SEPTIN9: variants seen among roughly 807,000 people sequenced by gnomAD.
SEPTIN9 encodes septin-9.
In SEPTIN9, 13 loss-of-function variants were observed where a neutral mutation model predicts 56.6. The ratio of observed to expected loss-of-function variants is 0.23; its 90% CI spans 0.15 to 0.37. SEPTIN9 has a LOEUF of 0.37. Ranked by LOEUF, SEPTIN9 falls within the 10% of genes least tolerant of loss-of-function variation. The probability of loss-of-function intolerance (pLI) is 1.00; values close to 1 mark genes in which losing one functional copy is unlikely to be tolerated. For missense variants in SEPTIN9, 650 were observed against 823.1 expected, an observed-to-expected ratio of 0.79 and a Z score of 2.57; for synonymous variants, 332 against 334.1, an observed-to-expected ratio of 0.99 and a Z score of 0.07.
intron 1 of SEPTIN9, among the ~76,000 whole-genome samples, chr17:77,306,817 C>T (rs1038445614): frequency 6.6e-6 from 1 of 152,250 alleles, no homozygotes; most frequent in African/African-American, 2.4e-5. Context: ...GTGCAACTCT[C>T]ATTCACTGTG....
At position 77,475,120 on chromosome 17, in the gene SEPTIN9, C is replaced by G. The variant is rs759824167; in HGVS notation, c.722-7024C>G. On this transcript the variant is annotated intron_variant, in intron 3 of 11. Transcript: ENST00000427177. This position sits in a 1 kb window ranked among gnomAD's most constrained non-coding sequence, Gnocchi z 4.6. ...TCACCAGACTTTTTGCCGGGGCTTG[C>G]CGTGAGCCCTACGCTGCTCTGAAGA... 7.8e-6 allele frequency: 5 copies of G among 640,124 alleles called. No homozygotes were observed. The highest frequency in any genetic ancestry group is 1.0e-5 in the Non-Finnish European group (5 of 488,980). The allele number at this position is 640,124 out of a possible 1,614,324, so 39.7% of individuals were successfully genotyped here.
chr17:77,360,551 G>T lies in SEPTIN9; in HGVS notation c.77-41508G>T, dbSNP rs201192413. 9.0e-3 allele frequency among the ~76,000 whole-genome samples: 1,354 copies of T among 149,968 alleles called. 11 individuals carry two copies. Among genetic ancestry groups the T allele is most frequent in the East Asian group, 0.042 (215 of 5,120 alleles). On this transcript the variant is annotated intron_variant, in intron 2 of 11. Transcript: ENST00000427177. Reference sequence around the variant, plus strand: ...TACTAGGGTAGGTTGTTTTTTTTTTGTTGTTTTTGTTTTTTGTTTCTTTTT... The same window carrying T: ...TACTAGGGTAGGTTGTTTTTTTTTTTTTGTTTTTGTTTTTTGTTTCTTTTT...
Position 77,474,889 on chromosome 17 carries a change from C to T in SEPTIN9, c.722-7255C>T, listed in dbSNP as rs76945292. ...AGCGTTTAGAGTAACACCTGGGGCT[C>T]GGTGCAGTGGCTTATGTCTATAATC... On this transcript the variant is annotated intron_variant, in intron 3 of 11. Coordinates refer to ENST00000427177, the MANE Select transcript of SEPTIN9 (RefSeq NM_001113491.2). Among the ~76,000 whole-genome samples, 665 of 152,112 alleles carry T rather than the reference C, an allele frequency of 4.4e-3. 4 individuals are homozygous for T. The highest frequency in any genetic ancestry group is 0.015 in the African/African-American group (641 of 41,482).
chr17:77,482,721 G>C, intron 4 of SEPTIN9: 1 of 589,168 alleles, frequency 1.7e-6, no homozygotes, highest in Non-Finnish European at 3.0e-6. Context: ...GCACCCCACC[G>C]CACCCCGGCC....
intron 3 of SEPTIN9, among the ~76,000 whole-genome samples, chr17:77,423,462 C>T (rs1210449785): frequency 6.6e-6 from 1 of 152,234 alleles, no homozygotes; most frequent in Non-Finnish European, 1.5e-5. Context: ...GGCCTGGAGG[C>T]AGCGTTTCTG....
At chr17:77,294,097 A>G (rs1194550128) in intron 1 of SEPTIN9, among the ~76,000 whole-genome samples, 7 of 119,918 alleles carry the variant, frequency 5.8e-5, no homozygotes, top group Admixed American at 2.8e-4. Flanking sequence ...GAGTGAGACC[A>G]TGTCTCAAAA....
At chr17:77,365,071 C>A (rs538535155) in intron 2 of SEPTIN9, among the ~76,000 whole-genome samples, 8 of 152,348 alleles carry the variant, frequency 5.3e-5, no homozygotes, top group African/African-American at 1.9e-4. Context: ...TCGGTCTCCA[C>A]TGTGGATGTT....
rs762665453 is a variant in SEPTIN9, at chr17:77,421,166, C to T, written c.721+18463C>T. 2.0e-5 allele frequency among the ~76,000 whole-genome samples: 3 copies of T among 152,162 alleles called. No homozygotes were observed. Among genetic ancestry groups the T allele is most frequent in the Non-Finnish European group, 1.5e-5 (1 of 68,036 alleles). ...AGACTTTGGCTGGATGCCAGGAGCC[C>T]GAGACCTTCCAGCTCTTTCCTGTGT... On this transcript the variant is annotated intron_variant, in intron 3 of 11. Coordinates refer to ENST00000427177, the MANE Select transcript of SEPTIN9 (RefSeq NM_001113491.2). The surrounding 1 kb of genome is among the most constrained non-coding windows in gnomAD (Gnocchi z 4.6).
chr17:77,309,822 C>T (rs1013059546), intron 2 of SEPTIN9, among the ~76,000 whole-genome samples: 1 of 152,204 alleles, frequency 6.6e-6, no homozygotes, highest in Non-Finnish European at 1.5e-5. Flanking sequence ...CTCACCATCC[C>T]GCTTAAGAAG....
At chr17:77,332,012 A>AGGT (rs2033383439) in intron 2 of SEPTIN9, among the ~76,000 whole-genome samples, 4 of 152,198 alleles carry the variant, frequency 2.6e-5, no homozygotes, top group Non-Finnish European at 4.4e-5. Context: ...GTGGTGGCTC[A>AGGT]TGACTGTAAT....
intron 1 of SEPTIN9, among the ~76,000 whole-genome samples, chr17:77,290,116 G>A (rs368878493): frequency 6.0e-4 from 91 of 152,210 alleles, no homozygotes; most frequent in Non-Finnish European, 7.2e-4. Context: ...TGGTGTGGAC[G>A]CTCCTCCTTG....
Position 77,327,258 on chromosome 17 carries a change from C to T in SEPTIN9, c.76+20061C>T, listed in dbSNP as rs904240556. ...GCCCTCAGGTTAGTTTATTTTTACC[C>T]GGCCTGCTCCCACCAGGGGCTGAGG... On this transcript the variant is annotated intron_variant, in intron 2 of 11. Transcript: ENST00000427177. This position sits in a 1 kb window ranked among gnomAD's most constrained non-coding sequence, Gnocchi z 5.0. Among the ~76,000 whole-genome samples, 3 of 152,132 alleles carry T rather than the reference C, an allele frequency of 2.0e-5. No homozygotes were observed. The highest frequency in any genetic ancestry group is 4.2e-4 in the South Asian group (2 of 4,818).
intron 2 of SEPTIN9, among the ~76,000 whole-genome samples, chr17:77,380,561 C>T (rs1445013348): frequency 6.6e-6 from 1 of 152,116 alleles, no homozygotes; most frequent in African/African-American, 2.4e-5. Context: ...CACATGGCAT[C>T]GAATTTCCTG....
At chr17:77,416,316 C>T (rs1367938965) in intron 3 of SEPTIN9, among the ~76,000 whole-genome samples, 3 of 152,282 alleles carry the variant, frequency 2.0e-5, no homozygotes, top group South Asian at 2.1e-4. Flanking sequence ...CTGGTGAGAA[C>T]GGCACCCGGT....
At chr17:77,293,022 AT>A (rs2031640105) in intron 1 of SEPTIN9, among the ~76,000 whole-genome samples, 1 of 150,090 alleles carries the variant, frequency 6.7e-6, no homozygotes, top group Non-Finnish European at 1.5e-5. Context: ...TTATTTATTT[AT>A]TTATTTTTCC....
At chr17:77,424,031 C>T (rs2036806311) in intron 3 of SEPTIN9, among the ~76,000 whole-genome samples, 2 of 152,190 alleles carry the variant, frequency 1.3e-5, no homozygotes, top group South Asian at 4.1e-4. Flanking sequence ...AGATTTGTTT[C>T]CATTTTAGGG....
At position 77,484,726 on chromosome 17, in the gene SEPTIN9, GATT is replaced by G. The variant is rs1179950141; in HGVS notation, c.913+2392_913+2394del. Among the ~76,000 whole-genome samples the G allele has an allele frequency of 8.7e-5, 8 of 92,420 alleles. 1 individual carries two copies. The highest frequency in any genetic ancestry group is 4.9e-4 in the African/African-American group (8 of 16,204). 60.6% of individuals were successfully genotyped at this position (92,420 alleles called of 152,430 possible). A position where few individuals can be genotyped will look rare whatever the true frequency, so the allele number is the denominator to read the frequency against. ...TGGTGGTGATGTGGGTGGTGGTGGTGATTGTGATGGTGGTGGTGGTGGTTGTGA... is the reference window on the plus strand; with the variant it reads ...TGGTGGTGATGTGGGTGGTGGTGGTGGTGATGGTGGTGGTGGTGGTTGTGA... On this transcript the variant is annotated intron_variant, in intron 4 of 11. Coordinates refer to ENST00000427177, the MANE Select transcript of SEPTIN9 (RefSeq NM_001113491.2).
At chr17:77,381,819 T>C (rs2035154702) in intron 2 of SEPTIN9, among the ~76,000 whole-genome samples, 1 of 152,042 alleles carries the variant, frequency 6.6e-6, no homozygotes. Flanking sequence ...GCAGTTGGCT[T>C]ATTTGTTTAT....
rs983509267 is a variant in SEPTIN9, at chr17:77,288,128, C to A, written c.19+6574C>A. 7.0e-5 allele frequency: 74 copies of A among 1,063,244 alleles called. 1 individual carries two copies. The South Asian group carries it at 3.2e-3, about 46-fold the overall frequency. The allele number at this position is 1,063,244 out of a possible 1,614,324, so 65.9% of individuals were successfully genotyped here. ...GACTCTCTCGCTGACTCCTACCCCACCCCGGCCTGGGGTTTCAGAGAAGGG... is the reference window on the plus strand; with the variant it reads ...GACTCTCTCGCTGACTCCTACCCCAACCCGGCCTGGGGTTTCAGAGAAGGG... On this transcript the variant is annotated intron_variant, in intron 1 of 11. Transcript: ENST00000427177.
Sources: gnomAD v4.1 joint callset for allele counts (sites outside exome capture counted in the v4.1 genomes callset) on GRCh38, gnomAD v4.1.1 for gene constraint, Gnocchi (gnomAD v3.1) non-coding constraint, MANE v1.5 for transcripts, NCBI Gene and HGNC (gene_info 2026-07-23, HGNC 2026-07-21) for gene names.